LZTS2: variants seen among roughly 807,000 people sequenced by gnomAD.
LZTS2 encodes the protein leucine zipper putative tumor suppressor 2.
A neutral mutation model predicts 60.6 loss-of-function variants in LZTS2; 32 were observed. The ratio of observed to expected loss-of-function variants is 0.53; its 90% confidence interval spans 0.40 to 0.71. The LOEUF is 0.71. Among genes scored for constraint, LZTS2 ranks in the 30% least tolerant of loss-of-function variants. The pLI, the probability that LZTS2 is intolerant of heterozygous loss-of-function variation, is 0.00. For missense variants in LZTS2, 792 were observed against 901.9 expected, an observed-to-expected ratio of 0.88 and a Z score of 1.56; for synonymous variants, 360 against 393.1, an observed-to-expected ratio of 0.92 and a Z score of 1.00.
rs553241321 is a variant in LZTS2, at chr10:101,005,402, C to T, written c.1069-56C>T. 87 of 1,498,926 alleles carry T rather than the reference C, an allele frequency of 5.8e-5. No homozygotes were observed. The South Asian group carries it at 1.1e-3, about 19-fold the overall frequency. 92.9% of individuals were successfully genotyped at this position (1,498,926 alleles called of 1,614,324 possible). ...CGGAAGTGGGCTGCCAGAGCAGACA[C>T]TGAGTGGGGAGTTGGGAAAACTGCC... is the stretch of plus-strand genomic sequence containing the variant. On this transcript the variant is annotated intron_variant, in intron 2 of 3. Coordinates refer to ENST00000370220, the Ensembl canonical transcript of LZTS2.
At chr10:101,002,828 C>G in exon 1 of LZTS2, 5 of 1,613,884 alleles carry the variant, frequency 3.1e-6, no homozygotes, top group Non-Finnish European at 4.2e-6. Flanking sequence ...GACTTCCGGA[C>G]AGAGTCACCC....
At chr10:101,007,366 A>G in exon 4 of LZTS2, 1 of 1,417,480 alleles carries the variant, frequency 7.1e-7, no homozygotes, top group East Asian at 2.6e-5. Context: ...AGACCGCTCA[A>G]AGGTCCCCGT....
At chr10:101,002,432 C>T in exon 1 of LZTS2, 2 of 1,131,314 alleles carry the variant, frequency 1.8e-6, no homozygotes, top group Non-Finnish European at 2.4e-6. Context: ...GGTGTTTGGT[C>T]AGGATCAGTG....
exon 4 of LZTS2, chr10:101,007,015 C>T: frequency 6.3e-7 from 1 of 1,575,848 alleles, no homozygotes; most frequent in Non-Finnish European, 8.6e-7. Context: ...AGCTGCAGCA[C>T]AACTACATCC....
At chr10:100,999,115 C>T (rs1851971957), upstream of LZTS2, 1 of 152,342 alleles carries the variant, frequency 6.6e-6, no homozygotes, top group Admixed American at 6.5e-5. Flanking sequence ...GATAAATGAC[C>T]TCTCTCTTAG....
Position 101,002,477 on chromosome 10 carries a change from C to T in LZTS2, c.-62C>T, listed in dbSNP as rs1487768218. The T allele has an allele frequency of 1.4e-6, 2 of 1,463,608 alleles. No individual in the cohort carries two copies. Among genetic ancestry groups the T allele is most frequent in the African/African-American group, 2.9e-5 (2 of 70,122 alleles). The allele number at this position is 1,463,608 out of a possible 1,614,324, so 90.7% of individuals were successfully genotyped here. ...GGGTCTCAAGGTGGAGGGACTCTGA[C>T]ACCACTGCCCTGCTTACAGGTCGCC... On this transcript the variant is annotated 5_prime_UTR_variant, in exon 1 of 4. Transcript: ENST00000370220.
At chr10:101,004,235 A>G in intron 2 of LZTS2, 69 bp downstream of exon 3, 1 of 1,506,140 alleles carries the variant, frequency 6.6e-7, no homozygotes, top group African/African-American at 1.4e-5. Context: ...TGCAAGCGGC[A>G]TTTCCATTTT....
chr10:101,006,349 C>T, intron 3 of LZTS2, 136 bp from the exon 5 acceptor site: 1 of 1,418,660 alleles, frequency 7.0e-7, no homozygotes, highest in Non-Finnish European at 9.3e-7. Context: ...TGTCACTAGA[C>T]TTGCTTTAGT....
In LZTS2 at chr10:101,006,879, A is replaced by C. The variant is rs1446208341; in HGVS notation, c.1721A>C (p.Gln574Pro). Residue 574 changes from glutamine (Q) to proline (P), a missense_variant, in exon 4 of 4, where the codon CAG (glutamine) becomes CCG (proline). Gln to Pro is a moderately conservative substitution (Grantham distance 76). Transcript: ENST00000370220. ...GGGGTTGGGGGCAGCTTGCGGGCCC[A>C]GGTGGAGCGATTGCGGGTGGAGCTG... 3.3e-6 allele frequency: 5 copies of C among 1,532,404 alleles called. No individual in the cohort carries two copies. The highest frequency in any genetic ancestry group is 2.0e-5 in the Admixed American group (1 of 50,528). 94.9% of individuals were successfully genotyped at this position (1,532,404 alleles called of 1,614,324 possible). A position where few individuals can be genotyped will look rare whatever the true frequency, so the allele number is the denominator to read the frequency against.
At chr10:101,006,556 G>C (rs1191493114) in exon 4 of LZTS2, 1 of 1,611,596 alleles carries the variant, frequency 6.2e-7, no homozygotes. Flanking sequence ...AGCTGGTGCA[G>C]AAGGGCAGCG....
upstream of LZTS2, among the ~76,000 whole-genome samples, chr10:100,997,830 T>C (rs1242373180): frequency 1.3e-5 from 2 of 152,118 alleles, no homozygotes; most frequent in Non-Finnish European, 2.9e-5. Flanking sequence ...GGATAAGCCC[T>C]CTCCCGGGAA....
At chr10:101,002,705 T>C (rs909492647) in exon 1 of LZTS2, 6 of 1,611,114 alleles carry the variant, frequency 3.7e-6, no homozygotes, top group Non-Finnish European at 5.1e-6. Context: ...CCCACCTTCT[T>C]CCGCCAGCAG....
rs1197833363 is a variant in LZTS2 at position 101,003,876 on chromosome 10, C to T, written c.778C>T (p.Pro260Ser). ...CTCTGGGCGAGGGGCACTGCCTGGG[C>T]CAGCCCGAGGGGTCCCTACTGGGCC... The change falls in exon 2 of 4, where the codon CCA (proline) becomes TCA (serine). Residue 260 changes from proline to serine, a missense_variant. Coordinates refer to ENST00000370220, the Ensembl canonical transcript of LZTS2. 4.3e-6 allele frequency: 7 copies of T among 1,613,052 alleles called. No homozygotes were observed. In the East Asian group the frequency reaches 1.6e-4, roughly 36 times the overall value.
chr10:101,005,386 G>A, intron 2 of LZTS2, 72 bp from the exon 4 acceptor site: 1 of 1,478,336 alleles, frequency 6.8e-7, no homozygotes, highest in Non-Finnish European at 9.0e-7. Flanking sequence ...TCGGAAGTGG[G>A]CTGCCAGAGC....
chr10:101,003,960 C>T (rs748860681), exon 2 of LZTS2: 11 of 1,611,688 alleles, frequency 6.8e-6, no homozygotes, highest in East Asian at 2.2e-5. Context: ...CCTAGGGGGC[C>T]GTGTGGCTGG....
At chr10:100,998,109 C>A (rs1008340263), upstream of LZTS2, among the ~76,000 whole-genome samples, 2 of 152,192 alleles carry the variant, frequency 1.3e-5, no homozygotes, top group Non-Finnish European at 2.9e-5. Context: ...CTCCTCCCCC[C>A]AGAAAATGCA....
At chr10:101,005,679 G>C (rs1230241915) in exon 3 of LZTS2, 4 of 1,603,076 alleles carry the variant, frequency 2.5e-6, no homozygotes, top group Non-Finnish European at 3.4e-6. Context: ...GGGAGCAGCG[G>C]GAGCTCGGGC....
upstream of LZTS2, among the ~76,000 whole-genome samples, chr10:100,998,177 C>T (rs7902510): frequency 0.27 from 40,755 of 152,040 alleles, 6,224 homozygotes; most frequent in East Asian, 0.54. Flanking sequence ...AAAAGGAGGA[C>T]GAGCCCCTCC....
chr10:101,004,137 C>T, exon 2 of LZTS2: 1 of 1,608,606 alleles, frequency 6.2e-7, no homozygotes, highest in East Asian at 2.2e-5. Flanking sequence ...GCGGGACAGT[C>T]TGGACGAGAA....
Sources: allele counts gnomAD v4.1 joint callset (sites outside exome capture counted in the v4.1 genomes callset), GRCh38; gene constraint gnomAD v4.1.1; transcripts MANE v1.5; gene names NCBI Gene and HGNC (gene_info 2026-07-23, HGNC 2026-07-21).